RNF144A: variants seen among roughly 807,000 people sequenced by gnomAD.
RNF144A encodes the protein ring finger protein 144A, also known as E3 ubiquitin-protein ligase RNF144A.
In RNF144A, 11 loss-of-function variants were observed where a neutral mutation model predicts 38.7. The observed-to-expected ratio is 0.28, with a 90% CI of 0.18 to 0.47. RNF144A has a LOEUF of 0.47. Among genes scored for constraint, RNF144A ranks in the 20% least tolerant of loss-of-function variants. The probability of loss-of-function intolerance (pLI) is 0.99; values close to 1 mark genes in which losing one functional copy is unlikely to be tolerated. For synonymous variants in RNF144A, 149 were observed against 143.9 expected (o/e 1.04, Z -0.25); for missense variants, 316 against 377.2 (o/e 0.84, Z 1.34).
chr2:7,030,082 C>T (rs1225548723), intron 7 of RNF144A, 44 bp from the exon 8 acceptor site: 4 of 1,358,326 alleles, frequency 2.9e-6, no homozygotes, highest in Non-Finnish European at 4.2e-6. Context: ...CCGAACTGAG[C>T]AGGAACCACT....
At chr2:6,945,211 C>T (rs1301447157) in intron 2 of RNF144A, among the ~76,000 whole-genome samples, 1 of 152,180 alleles carries the variant, frequency 6.6e-6, no homozygotes, top group Non-Finnish European at 1.5e-5. Context: ...GAACTAGAAG[C>T]GAAAAGACCG....
At chr2:7,024,317 G>A in intron 6 of RNF144A, 52 bp from the exon 7 acceptor site, 1 of 1,511,836 alleles carries the variant, frequency 6.6e-7, no homozygotes, top group East Asian at 2.3e-5. Flanking sequence ...AGTGCTCCTG[G>A]GTCTCCCGTG....
chr2:7,040,131 T>C lies in RNF144A; in HGVS notation c.*371T>C, dbSNP rs532629337. 2 of 1,009,002 alleles carry C rather than the reference T, an allele frequency of 2.0e-6. No homozygotes were observed. Among genetic ancestry groups the C allele is most frequent in the East Asian group, 2.1e-4 (2 of 9,680 alleles). The allele number at this position is 1,009,002 out of a possible 1,614,324, so 62.5% of individuals were successfully genotyped here. On this transcript the variant is annotated 3_prime_UTR_variant, in exon 9 of 9. Transcript: ENST00000320892. ...AGATGGCACCATGTTGTCAGAGAAG[T>C]CTTTTAAGGACTGCCACTCTCTTCA...
At position 7,043,845 on chromosome 2, in the gene RNF144A, T is replaced by G; in HGVS notation, c.*4085T>G. On this transcript the variant is annotated 3_prime_UTR_variant, in exon 9 of 9. Transcript: ENST00000320892. ...CCTTCTTTGCTCACTTTACTATGGG[T>G]GTATTTTAATCTTGTATAAAAATAT... The G allele has an allele frequency of 1.0e-6, 1 of 985,752 alleles. No individual in the cohort carries two copies. The highest frequency in any genetic ancestry group is 6.1e-5 in the Admixed American group (1 of 16,282). 61.1% of individuals were successfully genotyped at this position (985,752 alleles called of 1,614,324 possible).
intron 6 of RNF144A, among the ~76,000 whole-genome samples, chr2:7,052,201 G>A (rs1236264065): frequency 1.3e-5 from 2 of 152,028 alleles, no homozygotes; most frequent in African/African-American, 4.8e-5. Context: ...ACAAAACGCT[G>A]GCCGTGGCAA....
At chr2:7,025,120 C>T in intron 7 of RNF144A, among the ~76,000 whole-genome samples, 1 of 152,166 alleles carries the variant, frequency 6.6e-6, no homozygotes, top group East Asian at 1.9e-4. Context: ...TCTCATACGG[C>T]AGCCTTCTCC....
In RNF144A at chr2:7,042,784, C is replaced by T. The variant is rs1307256650; in HGVS notation, c.*3024C>T. ...ATAAAGCATCGGATTGCAGGAATAA[C>T]TGTCCAAATTAGTTCTTCCTCCTCA... On this transcript the variant is annotated 3_prime_UTR_variant, in exon 9 of 9. Coordinates refer to ENST00000320892, the MANE Select transcript of RNF144A (RefSeq NM_014746.6). The T allele has an allele frequency of 5.1e-6, 5 of 985,370 alleles. No homozygotes were observed. Among genetic ancestry groups the T allele is most frequent in the Non-Finnish European group, 6.0e-6 (5 of 829,954 alleles). 61.0% of individuals were successfully genotyped at this position (985,370 alleles called of 1,614,324 possible).
At chr2:7,071,507 G>T (rs757840099), downstream of RNF144A, among the ~76,000 whole-genome samples, 70 of 152,334 alleles carry the variant, frequency 4.6e-4, no homozygotes, top group Admixed American at 8.5e-4. Context: ...CTTGGCCTGA[G>T]TTATTTACAT....
chr2:6,970,866 T>C (rs1299966392), intron 2 of RNF144A, among the ~76,000 whole-genome samples: 1 of 152,236 alleles, frequency 6.6e-6, no homozygotes, highest in East Asian at 1.9e-4. Context: ...CCCTCATTCC[T>C]GTTTGAAGTT....
intron 5 of RNF144A, 130 bp from the exon 6 acceptor site, chr2:7,020,343 G>GGGCT (rs1488767092): frequency 4.0e-6 from 3 of 756,700 alleles, no homozygotes; most frequent in Non-Finnish European, 4.4e-6. Flanking sequence ...GCTTCGGTTG[G>GGGCT]GGCTGGTGGT....
chr2:6,951,686 G>A (rs1269796417), intron 2 of RNF144A, among the ~76,000 whole-genome samples: 1 of 152,058 alleles, frequency 6.6e-6, no homozygotes, highest in African/African-American at 2.4e-5. Flanking sequence ...TGTTGAATGT[G>A]CTCCTAGTAC....
At chr2:6,960,284 G>A (rs1374012450) in intron 2 of RNF144A, among the ~76,000 whole-genome samples, 1 of 152,202 alleles carries the variant, frequency 6.6e-6, no homozygotes. Flanking sequence ...GCAACAGAGT[G>A]AAAACCTTTG....
chr2:6,926,195 T>C (rs1664854013), intron 1 of RNF144A, among the ~76,000 whole-genome samples: 1 of 152,214 alleles, frequency 6.6e-6, no homozygotes, highest in African/African-American at 2.4e-5. Context: ...CACATCTGTG[T>C]TGAAGGCAGT....
At position 6,943,813 on chromosome 2, in the gene RNF144A, A is replaced by G. The variant is rs1267114956; in HGVS notation, c.-12+2666A>G. Among the ~76,000 whole-genome samples the G allele has an allele frequency of 6.6e-6, 1 of 152,132 alleles. No homozygotes were observed. The highest frequency in any genetic ancestry group is 2.4e-5 in the African/African-American group (1 of 41,430). ...GTCAAAGCCAGCATCTGAGCATGCT[A>G]CATGGAGAGGGATTGGAAGTTTGCA... On this transcript the variant is annotated intron_variant, in intron 2 of 8. Transcript: ENST00000320892. The surrounding 1 kb of genome is among the most constrained non-coding windows in gnomAD (Gnocchi z 4.3).
intron 6 of RNF144A, among the ~76,000 whole-genome samples, chr2:7,055,333 A>G (rs1328999064): frequency 2.6e-5 from 4 of 152,166 alleles, no homozygotes; most frequent in Non-Finnish European, 4.4e-5. Context: ...TCAGTATTGC[A>G]TCTTGATTTG....
At chr2:7,051,262 G>T (rs1446412182) in intron 6 of RNF144A, among the ~76,000 whole-genome samples, 1 of 152,156 alleles carries the variant, frequency 6.6e-6, no homozygotes, top group Non-Finnish European at 1.5e-5. Flanking sequence ...AGCCGCAGAC[G>T]CCCCAAGAGA....
chr2:7,015,829 C>CCCTCTCCCA (rs1671100926), intron 5 of RNF144A, among the ~76,000 whole-genome samples: 1 of 152,060 alleles, frequency 6.6e-6, no homozygotes, highest in Admixed American at 6.5e-5. Flanking sequence ...CACTGATTCT[C>CCCTCTCCCA]GGGTTCTTGA....
intron 8 of RNF144A, among the ~76,000 whole-genome samples, chr2:7,033,327 T>A (rs1389486568): frequency 6.6e-6 from 1 of 152,234 alleles, no homozygotes; most frequent in African/African-American, 2.4e-5. Context: ...TGGTGCTTGA[T>A]CTGGCTGCTG....
At chr2:7,068,385 T>C (rs201765849), downstream of RNF144A, 11 of 545,920 alleles carry the variant, frequency 2.0e-5, no homozygotes, top group East Asian at 7.6e-4. Context: ...GATCTAATGA[T>C]TGGCTTTTGG....
Sources: allele counts gnomAD v4.1 joint callset (sites outside exome capture counted in the v4.1 genomes callset), GRCh38; gene constraint gnomAD v4.1.1; non-coding constraint Gnocchi (gnomAD v3.1); transcripts MANE v1.5; gene names NCBI Gene and HGNC (gene_info 2026-07-23, HGNC 2026-07-21).